Variants in DPP6 observed in about 807,000 individuals in gnomAD.
The protein encoded by DPP6 is dipeptidyl peptidase like 6.
A neutral mutation model predicts 122.6 loss-of-function variants in DPP6; 69 were observed. That is an observed-to-expected ratio of 0.56 (90% CI 0.46 to 0.69). The LOEUF is 0.69. Ranked by LOEUF, DPP6 falls within the 30% of genes least tolerant of loss-of-function variation. The pLI is 0.00. For synonymous variants in DPP6, 418 were observed against 433.1 expected (o/e 0.97, Z 0.43); for missense variants, 928 against 1,116.9 (o/e 0.83, Z 2.41).
chr7:154,664,226 G>T (rs1837993234), intron 6 of DPP6, among the ~76,000 whole-genome samples: 1 of 152,080 alleles, frequency 6.6e-6, no homozygotes, highest in African/African-American at 2.4e-5. Flanking sequence ...ATGGCTTGTT[G>T]GCCCTAGTGT....
chr7:154,777,766 G>C (rs1285818992), intron 10 of DPP6, among the ~76,000 whole-genome samples: 1 of 152,102 alleles, frequency 6.6e-6, no homozygotes, highest in Non-Finnish European at 1.5e-5. Flanking sequence ...AGCAGAGGCG[G>C]TAAAGGGCTC....
chr7:154,616,382 T>C (rs1355240357), intron 5 of DPP6, among the ~76,000 whole-genome samples: 2 of 152,080 alleles, frequency 1.3e-5, no homozygotes, highest in African/African-American at 4.8e-5. Context: ...TGCAAACAGC[T>C]CACAATTGTC....
chr7:154,507,276 ATT>A (rs34818675), intron 3 of DPP6, among the ~76,000 whole-genome samples: 2 of 149,838 alleles, frequency 1.3e-5, no homozygotes, highest in Non-Finnish European at 3.0e-5. Context: ...AGAAACCATA[ATT>A]TTTTTTTTTA....
intron 1 of DPP6, among the ~76,000 whole-genome samples, chr7:153,953,101 A>G (rs1389377461): frequency 6.6e-6 from 1 of 152,210 alleles, no homozygotes; most frequent in Non-Finnish European, 1.5e-5. Context: ...TTCACCATGT[A>G]TTCCTTGAAA....
the DPP6 span, among the ~76,000 whole-genome samples, chr7:153,813,940 A>G: frequency 2.0e-5 from 3 of 152,176 alleles, no homozygotes; most frequent in East Asian, 5.8e-4. Context: ...TCAGATGAGT[A>G]GGTTGAGAAA....
chr7:154,041,449 G>C (rs28421487), intron 1 of DPP6, among the ~76,000 whole-genome samples: 1 of 152,162 alleles, frequency 6.6e-6, no homozygotes, highest in Admixed American at 6.5e-5. Context: ...TGGCCCTCTC[G>C]GGAACTCTGT....
intron 2 of DPP6, among the ~76,000 whole-genome samples, chr7:154,453,157 C>T (rs922460494): frequency 1.3e-5 from 2 of 152,160 alleles, no homozygotes; most frequent in African/African-American, 2.4e-5. Flanking sequence ...CCAGCAGGAT[C>T]GGATTTGCAT....
intron 16 of DPP6, among the ~76,000 whole-genome samples, chr7:154,836,139 G>A (rs890941463): frequency 5.3e-5 from 8 of 152,192 alleles, no homozygotes; most frequent in East Asian, 1.9e-4. Context: ...TTTAATTACC[G>A]CGAGCCTTGT....
chr7:153,774,777 C>A, the DPP6 span, among the ~76,000 whole-genome samples: 1 of 152,008 alleles, frequency 6.6e-6, no homozygotes, highest in African/African-American at 2.4e-5. Context: ...CCAGCCTGGG[C>A]AACAGAGCAA....
intron 1 of DPP6, among the ~76,000 whole-genome samples, chr7:154,267,653 C>T (rs1160446882): frequency 6.7e-6 from 1 of 150,276 alleles, no homozygotes; most frequent in Non-Finnish European, 1.5e-5. Flanking sequence ...CATATATGCA[C>T]ACATACATAT....
At chr7:154,319,493 A>C (rs2151014734) in intron 1 of DPP6, among the ~76,000 whole-genome samples, 1 of 152,280 alleles carries the variant, frequency 6.6e-6, no homozygotes, top group South Asian at 2.1e-4. Flanking sequence ...CAGGAGTTCA[A>C]GACCAGCCTG....
the DPP6 span, among the ~76,000 whole-genome samples, chr7:153,817,164 T>A: frequency 6.7e-6 from 1 of 149,022 alleles, no homozygotes; most frequent in Non-Finnish European, 1.5e-5. Context: ...CAAATCTGTT[T>A]CTTCTTCCTG....
intron 1 of DPP6, among the ~76,000 whole-genome samples, chr7:154,040,802 A>G (rs1440824007): frequency 6.6e-6 from 1 of 151,892 alleles, no homozygotes; most frequent in Non-Finnish European, 1.5e-5. Flanking sequence ...TAGTGTTCTG[A>G]ATGCACACTT....
chr7:154,116,933 G>A (rs1166115574), intron 1 of DPP6, among the ~76,000 whole-genome samples: 1 of 151,932 alleles, frequency 6.6e-6, no homozygotes, highest in African/African-American at 2.4e-5. Flanking sequence ...GTCACGGGAG[G>A]GGCACCCCCA....
At chr7:154,810,179 G>C (rs992859958) in intron 16 of DPP6, among the ~76,000 whole-genome samples, 1 of 152,096 alleles carries the variant, frequency 6.6e-6, no homozygotes, top group Non-Finnish European at 1.5e-5. Flanking sequence ...CACTTTCGCT[G>C]CTTCCCTTTG....
At chr7:154,246,489 A>G (rs553677444) in intron 1 of DPP6, among the ~76,000 whole-genome samples, 38 of 152,336 alleles carry the variant, frequency 2.5e-4, no homozygotes, top group African/African-American at 8.7e-4. Context: ...TGGGATTAAT[A>G]CAAGGTCAAC....
At chr7:153,921,890 G>A (rs1800655213) in intron 1 of DPP6, among the ~76,000 whole-genome samples, 1 of 152,234 alleles carries the variant, frequency 6.6e-6, no homozygotes, top group African/African-American at 2.4e-5. Context: ...TGGGTCTGAG[G>A]AGCAGGCTCT....
chr7:153,989,877 G>C (rs1202033794), intron 1 of DPP6, among the ~76,000 whole-genome samples: 80 of 151,276 alleles, frequency 5.3e-4, no homozygotes, highest in East Asian at 2.2e-3. Flanking sequence ...AGGAGGCCCT[G>C]TCTCCAATGT....
chr7:153,843,280 GCA>G, the DPP6 span, among the ~76,000 whole-genome samples: 20,101 of 113,350 alleles, frequency 0.18, 1,357 homozygotes, highest in Middle Eastern at 0.26. Context: ...ATGCGCGCGC[GCA>G]CACACACACA....
Sources: gnomAD v4.1 joint callset for allele counts (sites outside exome capture counted in the v4.1 genomes callset) on GRCh38, gnomAD v4.1.1 for gene constraint, MANE v1.5 for transcripts, NCBI Gene and HGNC (gene_info 2026-07-23, HGNC 2026-07-21) for gene names.